Variants in MACO1 observed in about 807,000 individuals in gnomAD.
MACO1 encodes macoilin.
Under a neutral mutation model 78.7 loss-of-function variants are expected in MACO1, and 14 were observed. The observed-to-expected ratio is 0.18, with a 90% CI of 0.12 to 0.28. The LOEUF (loss-of-function observed/expected upper bound fraction) is 0.28, where lower values mean the gene tolerates loss of function less well. MACO1 is among the 10% of genes least tolerant of loss of function. MACO1 has a pLI of 1.00. For missense variants in MACO1, 501 were observed against 799.0 expected, an observed-to-expected ratio of 0.63 and a Z score of 4.50; for synonymous variants, 288 against 291.6, an observed-to-expected ratio of 0.99 and a Z score of 0.12.
chr1:25,463,060 C>T (rs557395895), intron 6 of MACO1, among the ~76,000 whole-genome samples: 3 of 152,264 alleles, frequency 2.0e-5, no homozygotes, highest in Admixed American at 6.5e-5. Flanking sequence ...TGGCCCTTTA[C>T]AGAAAAAGTG....
intron 6 of MACO1, among the ~76,000 whole-genome samples, chr1:25,480,913 TA>T (rs759266355): frequency 1.5e-3 from 25 of 16,224 alleles, no homozygotes; most frequent in Admixed American, 4.2e-3. Flanking sequence ...GAGACTTGGT[TA>T]AAAAAAAAAA....
At position 25,439,910 on chromosome 1, in the gene MACO1, T is replaced by C. The variant is rs571841153; in HGVS notation, c.81-6852T>C. 2.3e-4 allele frequency among the ~76,000 whole-genome samples: 34 copies of C among 151,004 alleles called. No homozygotes were observed. The East Asian group carries it at 6.5e-3, about 29-fold the overall frequency. On this transcript the variant is annotated intron_variant, in intron 1 of 10. Transcript: ENST00000374343. The stretch of plus-strand genomic sequence containing the variant: ...GCGCATGCCTGTAATCCCAGCTACT[T>C]GGGAGGCTGAGGCAGGAGAATCACT...
At chr1:25,439,413 CAAAA>C (rs1402885087) in intron 1 of MACO1, among the ~76,000 whole-genome samples, 1 of 134,822 alleles carries the variant, frequency 7.4e-6, no homozygotes, top group African/African-American at 2.6e-5. Flanking sequence ...AATAAACAAA[CAAAA>C]AAGGGCATAT....
chr1:25,496,470 T>G lies in MACO1; in HGVS notation c.1793-1794T>G, dbSNP rs2043538176. Among the ~76,000 whole-genome samples, 2 of 152,196 alleles carry G rather than the reference T, an allele frequency of 1.3e-5. 1 individual carries two copies. Among genetic ancestry groups the G allele is most frequent in the Non-Finnish European group, 2.9e-5 (2 of 68,032 alleles). On this transcript the variant is annotated intron_variant, in intron 10 of 10. Coordinates refer to ENST00000374343, the MANE Select transcript of MACO1 (RefSeq NM_018202.6). ...GCCAGCATTTAAGTTTCTGAAAGAC[T>G]ACTCCTAAGTGTTCTAAGTGCTTTT...
rs573330797 is a variant in MACO1 at position 25,456,936 on chromosome 1, G to A, written c.652+105G>A. On this transcript the variant is annotated intron_variant, in intron 5 of 10. Coordinates refer to ENST00000374343, the MANE Select transcript of MACO1 (RefSeq NM_018202.6). ...AGTAGCTAGGATTTTGTTTTTTTCT[G>A]TCTAATGGTGTTCCTCCTCAGGGTC... 4.4e-5 allele frequency: 52 copies of A among 1,172,776 alleles called. 1 individual carries two copies. The South Asian group carries it at 9.0e-4, about 20-fold the overall frequency. 72.6% of individuals were successfully genotyped at this position (1,172,776 alleles called of 1,614,324 possible). A position where few individuals can be genotyped will look rare whatever the true frequency, so the allele number is the denominator to read the frequency against.
At chr1:25,437,184 G>T (rs2042926254) in intron 1 of MACO1, among the ~76,000 whole-genome samples, 1 of 150,690 alleles carries the variant, frequency 6.6e-6, no homozygotes, top group Admixed American at 6.6e-5. Context: ...GCCCAGGCTG[G>T]AGTCCAGCAG....
chr1:25,483,197 C>T (rs567878285), intron 6 of MACO1, among the ~76,000 whole-genome samples: 5 of 152,192 alleles, frequency 3.3e-5, no homozygotes, highest in East Asian at 3.9e-4. Flanking sequence ...ATTACAGGCA[C>T]GCGCCACCAT....
rs61775167 is a variant in MACO1, at chr1:25,454,402, A to G, written c.473+20A>G. Reference sequence around the variant, plus strand: ...TCACTGGTAAGTATTACATAAATGTATGTGTGTGTGTGTGTATATGTGTGT... The same window carrying G: ...TCACTGGTAAGTATTACATAAATGTGTGTGTGTGTGTGTGTATATGTGTGT... On this transcript the variant is annotated intron_variant, in intron 4 of 10. Transcript: ENST00000374343. 0.46 allele frequency: 701,284 copies of G among 1,528,530 alleles called. 166,301 individuals are homozygous for G. The highest frequency in any genetic ancestry group is 0.7 in the East Asian group (29,171 of 41,674). 94.7% of individuals were successfully genotyped at this position (1,528,530 alleles called of 1,614,324 possible). A position where few individuals can be genotyped will look rare whatever the true frequency, so the allele number is the denominator to read the frequency against.
chr1:25,480,772 A>C (rs879270931), intron 6 of MACO1, among the ~76,000 whole-genome samples: 19 of 151,810 alleles, frequency 1.3e-4, no homozygotes, highest in Non-Finnish European at 2.8e-4. Flanking sequence ...CTCTACTAAA[A>C]ATATAAAAAT....
chr1:25,466,140 G>C (rs1169925191), intron 6 of MACO1, among the ~76,000 whole-genome samples: 4 of 152,178 alleles, frequency 2.6e-5, no homozygotes, highest in Admixed American at 2.6e-4. Flanking sequence ...TAGTGGGATT[G>C]CTGGATCAAG....
At chr1:25,488,043 T>C (rs1437370159) in intron 8 of MACO1, among the ~76,000 whole-genome samples, 1 of 152,182 alleles carries the variant, frequency 6.6e-6, no homozygotes, top group African/African-American at 2.4e-5. Flanking sequence ...CACTCAGTAA[T>C]AATTATTGTA....
chr1:25,440,276 G>A (rs1424663217), intron 1 of MACO1, among the ~76,000 whole-genome samples: 12 of 149,938 alleles, frequency 8.0e-5, no homozygotes, highest in African/African-American at 2.5e-4. Context: ...GTATGTGCCC[G>A]TAGTCCTAAT....
intron 4 of MACO1, among the ~76,000 whole-genome samples, chr1:25,454,769 A>G (rs2043105154): frequency 6.6e-6 from 1 of 152,054 alleles, no homozygotes; most frequent in African/African-American, 2.4e-5. Context: ...GGTGTGAGCC[A>G]GTGCACCCAG....
intron 3 of MACO1, among the ~76,000 whole-genome samples, chr1:25,451,652 A>G (rs149224321): frequency 2.5e-4 from 38 of 152,294 alleles, no homozygotes; most frequent in African/African-American, 4.3e-4. Flanking sequence ...CACACCTGCA[A>G]TCCCAGCACT....
chr1:25,434,836 C>T (rs894805751), intron 1 of MACO1, among the ~76,000 whole-genome samples: 39 of 152,052 alleles, frequency 2.6e-4, no homozygotes, highest in African/African-American at 8.7e-4. Context: ...CAGACACTCC[C>T]GATAGTAATA....
At chr1:25,451,469 TC>T (rs1326329115) in intron 3 of MACO1, among the ~76,000 whole-genome samples, 1 of 152,240 alleles carries the variant, frequency 6.6e-6, no homozygotes, top group African/African-American at 2.4e-5. Flanking sequence ...TCTATTTTTT[TC>T]TGTAATGTGC....
chr1:25,457,253 G>A (rs1272318348), intron 5 of MACO1, among the ~76,000 whole-genome samples: 8 of 151,686 alleles, frequency 5.3e-5, no homozygotes, highest in African/African-American at 1.9e-4. Flanking sequence ...CCATGGGCAC[G>A]TGCCACCATG....
At position 25,489,180 on chromosome 1, in the gene MACO1, T is replaced by C. The variant is rs2043462217; in HGVS notation, c.1504T>C (p.Cys502Arg). 1 of 1,613,510 alleles carries C rather than the reference T, an allele frequency of 6.2e-7. No homozygotes were observed. The change falls in exon 9 of 11, where the codon TGC (cysteine) becomes CGC (arginine). Residue 502 changes from cysteine to arginine, a missense_variant. Around this residue, in one of 5 missense-constraint regions of MACO1, gnomAD observed 163 missense variants for 271.9 expected, o/e 0.60. Coordinates refer to ENST00000374343, the MANE Select transcript of MACO1 (RefSeq NM_018202.6). ...TCTCTTCTTTTTCAAAAGGGGAGAATGCACCGAAACCTTACGGAATCGGAT... is the reference window on the plus strand; with the variant it reads ...TCTCTTCTTTTTCAAAAGGGGAGAACGCACCGAAACCTTACGGAATCGGAT... ...VAFAAASRGE[C>R]TETLRNRIRE...
chr1:25,489,088 T>C, intron 8 of MACO1, 85 bp from the exon 9 acceptor site: 1 of 1,490,676 alleles, frequency 6.7e-7, no homozygotes, highest in Non-Finnish European at 9.0e-7. Flanking sequence ...CCCAAAGTGC[T>C]GGGATTACAG....
Sources: gnomAD v4.1 joint callset for allele counts (sites outside exome capture counted in the v4.1 genomes callset) on GRCh38, gnomAD v4.1.1 for gene constraint, gnomAD v4.1.1 regional missense constraint, MANE v1.5 for transcripts, NCBI Gene and HGNC (gene_info 2026-07-23, HGNC 2026-07-21) for gene names.